The following ZNF638 variants were observed in gnomAD, a reference collection of about 807,000 sequenced individuals.
ZNF638 encodes the protein CTCL tumor antigen se33-1.
ZNF638 carries 46 observed loss-of-function variants against 195.6 expected under a neutral mutation model. The observed-to-expected ratio is 0.24, with a 90% CI of 0.19 to 0.30. The LOEUF is 0.30. Among genes scored for constraint, ZNF638 ranks in the 10% least tolerant of loss-of-function variants. The pLI, the probability that ZNF638 is intolerant of heterozygous loss-of-function variation, is 1.00. For synonymous variants in ZNF638, 845 were observed against 772.0 expected, an observed-to-expected ratio of 1.09 and a Z score of -1.57; for missense variants, 2,440 against 2,325.3, an observed-to-expected ratio of 1.05 and a Z score of -1.01.
At chr2:71,368,298 G>GTATATATATAT in intron 6 of ZNF638, 84 bp from the exon 7 acceptor site, 1 of 1,331,670 alleles carries the variant, frequency 7.5e-7, no homozygotes, top group Non-Finnish European at 1.0e-6. Flanking sequence ...AATATTAGTG[G>GTATATATATAT]TAGAAGAAAT....
chr2:71,348,617 A>C (rs374512493), intron 1 of ZNF638, 136 bp from the exon 2 acceptor site: 5 of 1,225,812 alleles, frequency 4.1e-6, no homozygotes, highest in African/African-American at 3.1e-5. Context: ...AATCTTCGTA[A>C]GCCCTTACTC....
chr2:71,345,112 C>G (rs1200927081), intron 1 of ZNF638, among the ~76,000 whole-genome samples: 1 of 152,036 alleles, frequency 6.6e-6, no homozygotes, highest in Non-Finnish European at 1.5e-5. Context: ...TTTCATTATG[C>G]TATATTTTAA....
chr2:71,364,401 C>T (rs1258279034), intron 5 of ZNF638, 149 bp downstream of exon 5: 4 of 837,276 alleles, frequency 4.8e-6, no homozygotes, highest in South Asian at 3.9e-5. Context: ...GTTATTCCCT[C>T]TGGTAACTTG....
intron 8 of ZNF638, chr2:71,375,643 A>G (rs1280141473): frequency 6.6e-6 from 1 of 152,216 alleles, no homozygotes; most frequent in Non-Finnish European, 1.5e-5. Context: ...AAGAACTTAA[A>G]CTTTATCCTG....
In ZNF638 at chr2:71,431,481, C is replaced by T. The variant is rs894268281; in HGVS notation, c.5752+53C>T. 2.9e-5 allele frequency: 45 copies of T among 1,530,830 alleles called. No individual in the cohort carries two copies. In the African/African-American group the frequency reaches 3.2e-4, roughly 11 times the overall value. The allele number at this position is 1,530,830 out of a possible 1,614,324, so 94.8% of individuals were successfully genotyped here. On this transcript the variant is annotated intron_variant, in intron 26 of 27. Coordinates refer to ENST00000264447, the MANE Select transcript of ZNF638 (RefSeq NM_014497.5). ...ACCCATATGAAATTTAAAAGTCGGC[C>T]GGGCGCGGTGGCTCAAGCCTGTAAT...
intron 16 of ZNF638, among the ~76,000 whole-genome samples, chr2:71,402,453 A>G (rs2080025713): frequency 6.6e-6 from 1 of 152,152 alleles, no homozygotes; most frequent in Non-Finnish European, 1.5e-5. Flanking sequence ...ATAAGTATAT[A>G]TATGAGAAAG....
At chr2:71,374,383 C>T (rs1259150197) in intron 8 of ZNF638, among the ~76,000 whole-genome samples, 1 of 152,136 alleles carries the variant, frequency 6.6e-6, no homozygotes, top group African/African-American at 2.4e-5. Flanking sequence ...GTTTCTGTTA[C>T]AACAATTACT....
rs985828987 is a variant in ZNF638 at position 71,348,349 on chromosome 2, A to G, written c.-202-404A>G. On this transcript the variant is annotated intron_variant, in intron 1 of 27. Transcript: ENST00000264447. ...TAGGCTTACAGTTCTTACTTTCATT[A>G]TTTGTATATCTGATAACATGCGTAT... 2.3e-5 allele frequency: 21 copies of G among 931,378 alleles called. No individual in the cohort carries two copies. In the Admixed American group the frequency reaches 3.6e-4, roughly 16 times the overall value. The allele number at this position is 931,378 out of a possible 1,614,324, so 57.7% of individuals were successfully genotyped here.
At chr2:71,396,232 C>G in intron 11 of ZNF638, 41 bp downstream of exon 11, 1 of 1,540,276 alleles carries the variant, frequency 6.5e-7, no homozygotes, top group East Asian at 2.3e-5. Context: ...TTAGTTAAAA[C>G]TTTAATGTAT....
intron 1 of ZNF638, 70 bp from the exon 2 acceptor site, chr2:71,348,683 C>T (rs2078894751): frequency 1.4e-6 from 2 of 1,380,878 alleles, no homozygotes; most frequent in Non-Finnish European, 1.9e-6. Context: ...ATGTTTTACA[C>T]TGGCTGTAGA....
chr2:71,412,057 T>C (rs1211291223), intron 20 of ZNF638, among the ~76,000 whole-genome samples: 1 of 116,050 alleles, frequency 8.6e-6, no homozygotes, highest in East Asian at 2.9e-4. Flanking sequence ...CCACACTGAC[T>C]TCCACAATGG....
At chr2:71,386,237 T>C (rs1292989421) in intron 10 of ZNF638, among the ~76,000 whole-genome samples, 3 of 143,624 alleles carry the variant, frequency 2.1e-5, no homozygotes, top group African/African-American at 7.8e-5. Context: ...GACGCTTCAG[T>C]GAACTGTGAT....
At position 71,433,967 on chromosome 2, in the gene ZNF638, C is replaced by G. The variant is rs76702957; in HGVS notation, c.5871+684C>G. Among the ~76,000 whole-genome samples the G allele has an allele frequency of 3.9e-5, 6 of 152,146 alleles. No individual in the cohort carries two copies. The East Asian group carries it at 1.2e-3, about 29-fold the overall frequency. On this transcript the variant is annotated intron_variant, in intron 27 of 27. Transcript: ENST00000264447. ...GGTCACATAGCTAGTTAGTAGCAGA[C>G]CTAGGATTTGAACTCCGCTCTATTT... is the stretch of plus-strand genomic sequence containing the variant.
chr2:71,401,826 CTT>C, intron 15 of ZNF638, 128 bp from the exon 16 acceptor site: 7 of 785,302 alleles, frequency 8.9e-6, no homozygotes, highest in Non-Finnish European at 1.1e-5. Context: ...AGACCAGCCT[CTT>C]GAGTTTATCA....
chr2:71,399,249 C>G (rs1303044437), intron 12 of ZNF638, among the ~76,000 whole-genome samples: 1 of 152,074 alleles, frequency 6.6e-6, no homozygotes, highest in African/African-American at 2.4e-5. Flanking sequence ...TCCTAACAGA[C>G]TAATTCTAAA....
intron 17 of ZNF638, among the ~76,000 whole-genome samples, chr2:71,405,098 C>T (rs1199773681): frequency 6.6e-6 from 1 of 152,176 alleles, no homozygotes; most frequent in Non-Finnish European, 1.5e-5. Flanking sequence ...GTCCAAGTTC[C>T]TTTGCCGCAC....
At chr2:71,393,568 T>TA (rs1428482583) in intron 10 of ZNF638, 2 of 717,868 alleles carry the variant, frequency 2.8e-6, no homozygotes, top group African/African-American at 3.5e-5. Context: ...GAAGACAACT[T>TA]ACAAGGCTGA....
chr2:71,409,858 T>C (rs1341897462), intron 20 of ZNF638, among the ~76,000 whole-genome samples: 1 of 152,238 alleles, frequency 6.6e-6, no homozygotes, highest in Non-Finnish European at 1.5e-5. Context: ...ATGTCTGTTT[T>C]TTCTTGGATT....
chr2:71,381,372 C>T (rs1335552344), intron 10 of ZNF638, among the ~76,000 whole-genome samples: 1 of 151,938 alleles, frequency 6.6e-6, no homozygotes, highest in African/African-American at 2.4e-5. Context: ...ATCTCATTTC[C>T]CCGTAATGTT....
Sources: gnomAD v4.1 joint callset for allele counts (sites outside exome capture counted in the v4.1 genomes callset) on GRCh38, gnomAD v4.1.1 for gene constraint, MANE v1.5 for transcripts, NCBI Gene and HGNC (gene_info 2026-07-23, HGNC 2026-07-21) for gene names.